The following NR3C2 variants were observed in gnomAD, a reference collection of about 807,000 sequenced individuals.
NR3C2 encodes the protein nuclear receptor subfamily 3 group C member 2, also known as mineralocorticoid receptor.
In NR3C2, 15 loss-of-function variants were observed where a neutral mutation model predicts 86.4. The ratio of observed to expected loss-of-function variants is 0.17; its 90% CI spans 0.12 to 0.27. The LOEUF is 0.27. NR3C2 is among the 10% of genes least tolerant of loss of function. The pLI is 1.00. For missense variants in NR3C2, 960 were observed against 1,195.6 expected (o/e 0.80, Z 2.91); for synonymous variants, 458 against 450.5 (o/e 1.02, Z -0.21).
chr4:148,245,334 G>A (rs935881102), intron 3 of NR3C2, among the ~76,000 whole-genome samples: 3 of 152,080 alleles, frequency 2.0e-5, no homozygotes, highest in Non-Finnish European at 4.4e-5. Context: ...TGGGTATCTT[G>A]CCCAAAGTCC....
chr4:148,183,549 G>C (rs1337677837), intron 4 of NR3C2, among the ~76,000 whole-genome samples: 1 of 152,142 alleles, frequency 6.6e-6, no homozygotes, highest in Non-Finnish European at 1.5e-5. Context: ...CTGTGGTTTT[G>C]ATTTGCATTT....
intron 2 of NR3C2, among the ~76,000 whole-genome samples, chr4:148,396,043 T>C (rs1337195413): frequency 1.3e-5 from 2 of 152,206 alleles, no homozygotes; most frequent in East Asian, 3.8e-4. Context: ...TGATCATTCA[T>C]CAAGGAAAGG....
At chr4:148,148,480 C>T (rs558624482) in intron 6 of NR3C2, among the ~76,000 whole-genome samples, 63 of 152,356 alleles carry the variant, frequency 4.1e-4, no homozygotes, top group African/African-American at 1.2e-3. Flanking sequence ...GGCTTTTCCA[C>T]TGCTCTTAAA....
chr4:148,236,590 T>C (rs919263484), intron 3 of NR3C2, among the ~76,000 whole-genome samples: 2 of 152,162 alleles, frequency 1.3e-5, no homozygotes, highest in Admixed American at 6.5e-5. Context: ...AATAAAATAT[T>C]TGAGAATTTA....
At chr4:148,346,557 G>A (rs11099694) in intron 2 of NR3C2, among the ~76,000 whole-genome samples, 106,226 of 151,802 alleles carry the variant, frequency 0.7, 38,184 homozygotes, top group African/African-American at 0.87. Context: ...TGAGCCTCAG[G>A]CATACAGGTT....
intron 7 of NR3C2, among the ~76,000 whole-genome samples, chr4:148,117,419 C>T (rs1318356113): frequency 6.6e-6 from 1 of 152,116 alleles, no homozygotes; most frequent in East Asian, 1.9e-4. Context: ...CCATTGCCTG[C>T]CTTTCAGCCT....
chr4:148,264,853 T>G (rs756665053), intron 2 of NR3C2, among the ~76,000 whole-genome samples: 2 of 152,346 alleles, frequency 1.3e-5, no homozygotes, highest in Non-Finnish European at 2.9e-5. Flanking sequence ...AATATTATTC[T>G]TTCTAAATCA....
rs544860490 is a variant in NR3C2 at position 148,189,980 on chromosome 4, A to C, written c.2014+4766T>G. On this transcript the variant is annotated intron_variant, in intron 4 of 8. Transcript: ENST00000358102. ...GTCTATCAATTTTATTTATCTTTTC[A>C]AAGAACCAGCTTTTTGTTTCATTTA... is the stretch of plus-strand genomic sequence containing the variant. Among the ~76,000 whole-genome samples, 10 of 152,218 alleles carry C rather than the reference A, an allele frequency of 6.6e-5. No individual in the cohort carries two copies. The South Asian group carries it at 2.1e-3, about 32-fold the overall frequency.
intron 2 of NR3C2, among the ~76,000 whole-genome samples, chr4:148,356,023 G>A (rs1276469109): frequency 1.3e-5 from 2 of 152,118 alleles, no homozygotes; most frequent in Admixed American, 6.6e-5. Flanking sequence ...CTAACAAGTG[G>A]CAAGTGTTTA....
chr4:148,226,388 CT>C (rs1738165232), intron 3 of NR3C2, among the ~76,000 whole-genome samples: 1 of 152,080 alleles, frequency 6.6e-6, no homozygotes, highest in Admixed American at 6.6e-5. Flanking sequence ...TTCTTTGTGT[CT>C]TTTTTCCCTG....
intron 2 of NR3C2, among the ~76,000 whole-genome samples, chr4:148,332,856 A>T: frequency 6.6e-6 from 1 of 152,240 alleles, no homozygotes; most frequent in East Asian, 1.9e-4. Context: ...GGTGTGTTAG[A>T]GTGTGTATGT....
At chr4:148,302,486 T>C (rs1348449240) in intron 2 of NR3C2, among the ~76,000 whole-genome samples, 2 of 152,216 alleles carry the variant, frequency 1.3e-5, no homozygotes, top group African/African-American at 4.8e-5. Flanking sequence ...TGAGTATTCT[T>C]AACTTATGGC....
intron 3 of NR3C2, among the ~76,000 whole-genome samples, chr4:148,204,134 G>T (rs890852538): frequency 6.6e-6 from 1 of 151,944 alleles, no homozygotes; most frequent in Non-Finnish European, 1.5e-5. Flanking sequence ...GAATTTTTAT[G>T]TATATTTTAG....
chr4:148,417,201 T>C (rs565594934), intron 2 of NR3C2, among the ~76,000 whole-genome samples: 42 of 152,328 alleles, frequency 2.8e-4, no homozygotes, highest in African/African-American at 1.0e-3. Context: ...ATCAACCTAC[T>C]CATCATTTCC....
intron 2 of NR3C2, among the ~76,000 whole-genome samples, chr4:148,353,835 T>G (rs1745420643): frequency 6.6e-6 from 1 of 152,038 alleles, no homozygotes; most frequent in Non-Finnish European, 1.5e-5. Context: ...CAGGACAGAG[T>G]TTCACCTTAG....
chr4:148,081,099 A>C lies in NR3C2; in HGVS notation c.*245T>G. Reference sequence around the variant, plus strand: ...TAGATATGGCTTTTCATCCCGAGGAACAGGAACATGTTTCTAAGCGCTGGG... The same window carrying C: ...TAGATATGGCTTTTCATCCCGAGGACCAGGAACATGTTTCTAAGCGCTGGG... On this transcript the variant is annotated 3_prime_UTR_variant, in exon 9 of 9. Transcript: ENST00000358102. 7 of 526,200 alleles carry C rather than the reference A, an allele frequency of 1.3e-5. No homozygotes were observed. The highest frequency in any genetic ancestry group is 2.4e-5 in the Non-Finnish European group (7 of 288,220). The allele number at this position is 526,200 out of a possible 1,614,324, so 32.6% of individuals were successfully genotyped here. A position where few individuals can be genotyped will look rare whatever the true frequency, so the allele number is the denominator to read the frequency against.
At chr4:148,285,882 C>A (rs541304299) in intron 2 of NR3C2, among the ~76,000 whole-genome samples, 2 of 152,300 alleles carry the variant, frequency 1.3e-5, no homozygotes, top group African/African-American at 4.8e-5. Context: ...TTCTATTTCA[C>A]ATATGTGATA....
intron 2 of NR3C2, among the ~76,000 whole-genome samples, chr4:148,304,031 A>G (rs542388113): frequency 6.6e-6 from 1 of 152,314 alleles, no homozygotes; most frequent in South Asian, 2.1e-4. Context: ...CCGGGTATTC[A>G]AGGGGAAGAG....
chr4:148,374,765 T>A (rs1333735787), intron 2 of NR3C2, among the ~76,000 whole-genome samples: 1 of 152,208 alleles, frequency 6.6e-6, no homozygotes, highest in Non-Finnish European at 1.5e-5. Context: ...GAAAAATTCA[T>A]CCCAGTAACT....
Sources: gnomAD v4.1 joint callset for allele counts (sites outside exome capture counted in the v4.1 genomes callset) on GRCh38, gnomAD v4.1.1 for gene constraint, MANE v1.5 for transcripts, NCBI Gene and HGNC (gene_info 2026-07-23, HGNC 2026-07-21) for gene names.